UNC13C: variants seen among roughly 807,000 people sequenced by gnomAD.
UNC13C encodes unc-13 homolog C, also known as protein unc-13 homolog C.
UNC13C carries 174 observed loss-of-function variants against 245.4 expected under a neutral mutation model. That is an observed-to-expected ratio of 0.71 (90% confidence interval 0.63 to 0.80). The LOEUF (loss-of-function observed/expected upper bound fraction) is 0.80, where lower values mean the gene tolerates loss of function less well. Among genes scored for constraint, UNC13C ranks in the 30% least tolerant of loss-of-function variants. The pLI is 0.00. For missense variants in UNC13C, 2,829 were observed against 2,602.9 expected, an observed-to-expected ratio of 1.09 and a Z score of -1.89; for synonymous variants, 992 against 895.1, an observed-to-expected ratio of 1.11 and a Z score of -1.93.
intron 19 of UNC13C, among the ~76,000 whole-genome samples, chr15:54,437,510 G>C (rs1890285488): frequency 6.6e-6 from 1 of 151,806 alleles, no homozygotes; most frequent in Non-Finnish European, 1.5e-5. Context: ...TATCTAGTTT[G>C]TTTATTTTTG....
intron 2 of UNC13C, among the ~76,000 whole-genome samples, chr15:54,129,217 T>G (rs1318757498): frequency 1.3e-5 from 2 of 152,206 alleles, no homozygotes; most frequent in Admixed American, 6.5e-5. Context: ...AAGCACGGTT[T>G]TATCACGGGG....
chr15:54,351,241 A>T lies in UNC13C; in HGVS notation c.4713+12752A>T, dbSNP rs1596267074. Among the ~76,000 whole-genome samples, 8 of 152,308 alleles carry T rather than the reference A, an allele frequency of 5.3e-5. 1 individual carries two copies. In the South Asian group the frequency reaches 1.7e-3, roughly 32 times the overall value. On this transcript the variant is annotated intron_variant, in intron 17 of 32. Transcript: ENST00000260323. ...TTGGCTACTTCAGAAAATACAGGATATCCAGTGAAGTGCGCAGGAATCTGT... is the reference window on the plus strand; with the variant it reads ...TTGGCTACTTCAGAAAATACAGGATTTCCAGTGAAGTGCGCAGGAATCTGT...
chr15:54,322,106 T>A lies in UNC13C; in HGVS notation c.4425+11T>A. Reference sequence around the variant, plus strand: ...GCTACCAACTTTGGTGTAAGTATAATTTTTTAAACTTTAAAATTCCTAGCA... The same window carrying A: ...GCTACCAACTTTGGTGTAAGTATAAATTTTTAAACTTTAAAATTCCTAGCA... On this transcript the variant is annotated intron_variant, in intron 14 of 32. Coordinates refer to ENST00000260323, the MANE Select transcript of UNC13C (RefSeq NM_001080534.3). The A allele has an allele frequency of 7.8e-6, 12 of 1,537,344 alleles. No homozygotes were observed. The highest frequency in any genetic ancestry group is 1.0e-5 in the Non-Finnish European group (12 of 1,144,042).
chr15:54,024,502 T>A (rs1235022615), intron 2 of UNC13C, among the ~76,000 whole-genome samples: 1 of 152,230 alleles, frequency 6.6e-6, no homozygotes, highest in Non-Finnish European at 1.5e-5. Flanking sequence ...TAGAACTGTT[T>A]CCTGCACTAA....
At chr15:54,219,927 A>T (rs1465189296) in intron 4 of UNC13C, among the ~76,000 whole-genome samples, 1 of 151,484 alleles carries the variant, frequency 6.6e-6, no homozygotes, top group African/African-American at 2.4e-5. Context: ...AATGGCAATC[A>T]TTAAAAAGTC....
At chr15:54,451,431 C>G (rs1891170783) in intron 19 of UNC13C, among the ~76,000 whole-genome samples, 1 of 151,932 alleles carries the variant, frequency 6.6e-6, no homozygotes, top group Non-Finnish European at 1.5e-5. Flanking sequence ...TCCTTTTATG[C>G]TGTCCCATAT....
chr15:54,553,419 ATAT>A (rs910030370), intron 28 of UNC13C, among the ~76,000 whole-genome samples: 23 of 128,568 alleles, frequency 1.8e-4, no homozygotes, highest in South Asian at 6.8e-4. Context: ...GTAATATATA[ATAT>A]TATATATAAT....
At chr15:54,595,000 G>A (rs1303812019) in intron 30 of UNC13C, among the ~76,000 whole-genome samples, 2 of 152,242 alleles carry the variant, frequency 1.3e-5, no homozygotes, top group East Asian at 3.9e-4. Flanking sequence ...GAAGGAGGAG[G>A]AAGGGATGAG....
the UNC13C span, among the ~76,000 whole-genome samples, chr15:53,843,210 A>C: frequency 1.3e-5 from 2 of 152,168 alleles, no homozygotes; most frequent in African/African-American, 2.4e-5. Flanking sequence ...AGGCCGAGAC[A>C]GGCAGATTGC....
chr15:54,108,467 T>C (rs947292965), intron 2 of UNC13C, among the ~76,000 whole-genome samples: 2 of 152,146 alleles, frequency 1.3e-5, no homozygotes, highest in African/African-American at 4.8e-5. Flanking sequence ...GATTACAGGC[T>C]TGAGCCACCG....
chr15:54,632,575 A>G (rs1901474637), downstream of UNC13C: 1 of 152,222 alleles, frequency 6.6e-6, no homozygotes, highest in African/African-American at 2.4e-5. Context: ...TTAATTAGAA[A>G]CTAATTTTCA....
chr15:54,525,440 G>A (rs1035716987), intron 24 of UNC13C, 109 bp from the exon 25 acceptor site: 10 of 568,494 alleles, frequency 1.8e-5, no homozygotes, highest in Admixed American at 1.2e-4. Flanking sequence ...AGAGAAAAAA[G>A]CTTACATGTT....
intron 17 of UNC13C, among the ~76,000 whole-genome samples, chr15:54,347,397 TA>T (rs1378456872): frequency 6.6e-6 from 1 of 152,224 alleles, no homozygotes; most frequent in African/African-American, 2.4e-5. Context: ...AAGATTCTGC[TA>T]TTTTAAATTT....
chr15:54,296,929 C>T (rs570581753), intron 11 of UNC13C, among the ~76,000 whole-genome samples: 6 of 152,318 alleles, frequency 3.9e-5, no homozygotes, highest in South Asian at 4.1e-4. Flanking sequence ...CGAACACGTA[C>T]GCACGCACAT....
chr15:54,099,998 G>A (rs1900079232), intron 2 of UNC13C, among the ~76,000 whole-genome samples: 1 of 151,498 alleles, frequency 6.6e-6, no homozygotes, highest in South Asian at 2.1e-4. Flanking sequence ...TATTCAGGAG[G>A]CTGGGGTATG....
rs1264902199 is a variant in UNC13C, at chr15:54,627,129, C to CTAAA, written c.*19_*22dup. 1.3e-6 allele frequency: 2 copies of CTAAA among 1,594,914 alleles called. No homozygotes were observed. The highest frequency in any genetic ancestry group is 2.2e-5 in the East Asian group (1 of 44,640). On this transcript the variant is annotated 3_prime_UTR_variant, in exon 33 of 33. Coordinates refer to ENST00000260323, the MANE Select transcript of UNC13C (RefSeq NM_001080534.3). ...GAGTGCTTGAAACAAACACTGCAAG[C>CTAAA]TAAATACATAACTATAATTGTTTGA...
intron 2 of UNC13C, among the ~76,000 whole-genome samples, chr15:54,053,979 T>G (rs72739082): frequency 6.6e-6 from 1 of 152,074 alleles, no homozygotes; most frequent in Non-Finnish European, 1.5e-5. Flanking sequence ...ATCTCATTCT[T>G]TTTTATAGCT....
At chr15:53,964,543 T>C in the UNC13C span, among the ~76,000 whole-genome samples, 2 of 152,214 alleles carry the variant, frequency 1.3e-5, no homozygotes, top group African/African-American at 2.4e-5. Flanking sequence ...AGGTGAAATA[T>C]TAGGTTGTAA....
Position 54,623,888 on chromosome 15 carries a change from A to G in UNC13C, c.6293A>G (p.Lys2098Arg). The change falls in exon 32 of 33, where the codon AAG (lysine) becomes AGG (arginine). Residue 2098 changes from lysine (K) to arginine (R), a missense_variant. Coordinates refer to ENST00000260323, the MANE Select transcript of UNC13C (RefSeq NM_001080534.3). The part of the protein sequence containing the change: ...CILGPNLGDK[K>R]RKQGTKTKSN... ...CTGGGACCCAACCTTGGAGACAAGAAGAGAAAACAAGGCACAAAAACAAAA... is the reference window on the plus strand; with the variant it reads ...CTGGGACCCAACCTTGGAGACAAGAGGAGAAAACAAGGCACAAAAACAAAA... 6.2e-7 allele frequency: 1 copy of G among 1,613,396 alleles called. No homozygotes were observed.
Sources: allele counts gnomAD v4.1 joint callset (sites outside exome capture counted in the v4.1 genomes callset), GRCh38; gene constraint gnomAD v4.1.1; transcripts MANE v1.5; gene names NCBI Gene and HGNC (gene_info 2026-07-23, HGNC 2026-07-21).